TMEM182: variants seen among roughly 807,000 people sequenced by gnomAD.
TMEM182 encodes transmembrane protein 182.
Under a neutral mutation model 26.8 loss-of-function variants are expected in TMEM182, and 20 were observed. The ratio of observed to expected loss-of-function variants is 0.75; its 90% CI spans 0.53 to 1.09. TMEM182 has a LOEUF of 1.09. Among genes scored for constraint, TMEM182 ranks in the 50% least tolerant of loss-of-function variants. The pLI is 0.00. For missense variants in TMEM182, 277 were observed against 275.5 expected (o/e 1.01, Z -0.04); for synonymous variants, 109 against 102.2 (o/e 1.07, Z -0.40).
intron 3 of TMEM182, among the ~76,000 whole-genome samples, chr2:102,776,348 C>G (rs2732850): frequency 0.56 from 85,432 of 151,902 alleles, 24,952 homozygotes; most frequent in African/African-American, 0.72. Context: ...CCCAAACCAT[C>G]GCAACCACTG....
At chr2:102,738,756 G>A (rs115058425) in intron 1 of TMEM182, among the ~76,000 whole-genome samples, 2 of 152,114 alleles carry the variant, frequency 1.3e-5, no homozygotes, top group Admixed American at 6.6e-5. Flanking sequence ...AACATATACC[G>A]ATGTAATATG....
At chr2:102,827,999 G>A (rs1462729741) in intron 3 of TMEM182, among the ~76,000 whole-genome samples, 2 of 152,152 alleles carry the variant, frequency 1.3e-5, no homozygotes, top group African/African-American at 4.8e-5. Context: ...GCTGAGGCAG[G>A]AGAATCATCT....
intron 3 of TMEM182, among the ~76,000 whole-genome samples, chr2:102,826,321 T>TTA (rs1181633160): frequency 1.3e-5 from 2 of 149,992 alleles, no homozygotes; most frequent in East Asian, 3.9e-4. Context: ...TTTTTTTTTT[T>TTA]AACAAAGTTC....
At chr2:102,771,605 G>A (rs185991688) in intron 3 of TMEM182, among the ~76,000 whole-genome samples, 161 of 152,292 alleles carry the variant, frequency 1.1e-3, no homozygotes, top group African/African-American at 3.6e-3. Flanking sequence ...ATCGCTTTCT[G>A]AAAACAAGAC....
chr2:102,782,493 C>T (rs950690125), intron 3 of TMEM182, among the ~76,000 whole-genome samples: 1 of 151,870 alleles, frequency 6.6e-6, no homozygotes, highest in Non-Finnish European at 1.5e-5. Flanking sequence ...ATATGGGGCT[C>T]ATATTTTATG....
At chr2:102,812,384 T>TACACACACACAC (rs61175945) in intron 4 of TMEM182, among the ~76,000 whole-genome samples, 14 of 143,322 alleles carry the variant, frequency 9.8e-5, no homozygotes, top group African/African-American at 3.6e-4. Context: ...TCTACACATG[T>TACACACACACAC]ACACACACAC....
chr2:102,820,341 TG>T (rs2104766397), downstream of TMEM182, among the ~76,000 whole-genome samples: 1 of 152,352 alleles, frequency 6.6e-6, no homozygotes, highest in South Asian at 2.1e-4. Context: ...TAGTCACAAA[TG>T]GCACTAGATG....
intron 4 of TMEM182, among the ~76,000 whole-genome samples, chr2:102,802,922 T>C (rs1384479872): frequency 6.6e-6 from 1 of 152,212 alleles, no homozygotes; most frequent in African/African-American, 2.4e-5. Context: ...CTGGGATGTA[T>C]GTGGAATTTT....
At chr2:102,762,738 C>G in intron 2 of TMEM182, 52 bp downstream of exon 2, 1 of 1,444,388 alleles carries the variant, frequency 6.9e-7, no homozygotes, top group Non-Finnish European at 9.7e-7. Flanking sequence ...TAAAAATGAA[C>G]AGTTTCTTAC....
chr2:102,823,418 C>T (rs938763031), intron 3 of TMEM182, among the ~76,000 whole-genome samples: 10 of 152,012 alleles, frequency 6.6e-5, no homozygotes, highest in South Asian at 2.1e-4. Context: ...CTGCAACCTC[C>T]GCCTCCTGGG....
intron 3 of TMEM182, among the ~76,000 whole-genome samples, chr2:102,771,295 C>T (rs1022551445): frequency 2.0e-5 from 3 of 152,192 alleles, no homozygotes; most frequent in Admixed American, 2.0e-4. Context: ...ACCACAGACA[C>T]AGTATCACGT....
chr2:102,782,028 G>A (rs556016989), intron 3 of TMEM182, among the ~76,000 whole-genome samples: 10 of 152,126 alleles, frequency 6.6e-5, no homozygotes, highest in South Asian at 4.2e-4. Context: ...TATATTGGCC[G>A]GGCGTGGTGG....
At position 102,806,229 on chromosome 2, in the gene TMEM182, A is replaced by G. The variant is rs558542908; in HGVS notation, c.469+8229A>G. 2.6e-5 allele frequency among the ~76,000 whole-genome samples: 4 copies of G among 152,246 alleles called. No homozygotes were observed. The South Asian group carries it at 6.2e-4, about 24-fold the overall frequency. On this transcript the variant is annotated intron_variant, in intron 4 of 4. Transcript: ENST00000412401. ...TTTCTTTACATTTTCGTGTATGGAA[A>G]GAGAAGCCTAATGTGCTTGACCTAG...
intron 3 of TMEM182, among the ~76,000 whole-genome samples, chr2:102,774,234 T>C (rs2104681956): frequency 6.7e-6 from 1 of 150,040 alleles, no homozygotes; most frequent in African/African-American, 2.4e-5. Context: ...TGATGTTTTT[T>C]ACACTTTCTT....
At chr2:102,768,712 A>AT (rs915656339) in intron 3 of TMEM182, among the ~76,000 whole-genome samples, 17 of 151,374 alleles carry the variant, frequency 1.1e-4, no homozygotes, top group Admixed American at 4.0e-4. Flanking sequence ...AAAAAAATTT[A>AT]TTTTTTTGCG....
chr2:102,752,472 GC>G (rs1679901926), intron 1 of TMEM182, among the ~76,000 whole-genome samples: 2 of 152,232 alleles, frequency 1.3e-5, no homozygotes, highest in African/African-American at 4.8e-5. Flanking sequence ...GAGCTGTGGA[GC>G]CGTCTATGTA....
chr2:102,814,794 G>A lies in TMEM182; in HGVS notation c.516G>A (p.Gln172=). The change falls in exon 5 of 5, where the codon CAG becomes CAA. Residue 172 remains glutamine, a synonymous_variant. Coordinates refer to ENST00000412401, the MANE Select transcript of TMEM182 (RefSeq NM_144632.5). ...LVVMLYVIWV[Q]AVADMESYRN... Reference sequence around the variant, plus strand: ...TGATGCTGTATGTCATCTGGGTCCAGGCAGTGGCTGACATGGAAAGCTACC... The same window carrying A: ...TGATGCTGTATGTCATCTGGGTCCAAGCAGTGGCTGACATGGAAAGCTACC... The A allele has an allele frequency of 6.8e-6, 11 of 1,613,838 alleles. No individual in the cohort carries two copies. The highest frequency in any genetic ancestry group is 9.3e-6 in the Non-Finnish European group (11 of 1,179,942).
intron 3 of TMEM182, among the ~76,000 whole-genome samples, chr2:102,770,264 G>A (rs559673547): frequency 6.6e-6 from 1 of 152,262 alleles, no homozygotes; most frequent in African/African-American, 2.4e-5. Flanking sequence ...TGAGAAGCAG[G>A]CAGGAAGGAA....
chr2:102,762,269 G>C lies in TMEM182; in HGVS notation c.52G>C (p.Val18Leu), dbSNP rs772778352. Residue 18 changes from valine to leucine, a missense_variant, in exon 1 of 5, where the codon GTG becomes CTG. Transcript: ENST00000412401. ...FFGALFGALGVLLFLVAFGSD... is the reference protein window; with the variant it reads ...FFGALFGALGLLLFLVAFGSD... Reference sequence around the variant, plus strand: ...TGGAGCTCTCTTTGGTGCTTTGGGGGTGTTACTCTTTTTGGTGGCTTTTGG... The same window carrying C: ...TGGAGCTCTCTTTGGTGCTTTGGGGCTGTTACTCTTTTTGGTGGCTTTTGG... 11 of 1,613,890 alleles carry C rather than the reference G, an allele frequency of 6.8e-6. No homozygotes were observed. Among genetic ancestry groups the C allele is most frequent in the Non-Finnish European group, 9.3e-6 (11 of 1,179,880 alleles).
Sources: allele counts gnomAD v4.1 joint callset (sites outside exome capture counted in the v4.1 genomes callset), GRCh38; gene constraint gnomAD v4.1.1; transcripts MANE v1.5; gene names NCBI Gene and HGNC (gene_info 2026-07-23, HGNC 2026-07-21).